FMN1: variants seen among roughly 807,000 people sequenced by gnomAD.
The protein encoded by FMN1 is formin-1.
Under a neutral mutation model 132.4 loss-of-function variants are expected in FMN1, and 110 were observed. The observed-to-expected ratio is 0.83, with a 90% CI of 0.71 to 0.97. The LOEUF is 0.97. FMN1 is among the 50% of genes least tolerant of loss of function. The probability of loss-of-function intolerance (pLI) is 0.00; values close to 1 mark genes in which losing one functional copy is unlikely to be tolerated. For missense variants in FMN1, 1,792 were observed against 1,705.3 expected (o/e 1.05, Z -0.90); for synonymous variants, 722 against 651.7 (o/e 1.11, Z -1.64).
At chr15:33,007,872 T>C (rs2034500060) in intron 7 of FMN1, 142 bp downstream of exon 7, 3 of 605,656 alleles carry the variant, frequency 5.0e-6, no homozygotes, top group African/African-American at 1.8e-5. Context: ...ATTCCCTGTA[T>C]AGACACAGTG....
At chr15:33,033,554 C>G (rs1206933584) in intron 6 of FMN1, among the ~76,000 whole-genome samples, 1 of 152,088 alleles carries the variant, frequency 6.6e-6, no homozygotes, top group African/African-American at 2.4e-5. Flanking sequence ...TCAAATTTTC[C>G]CTCTCTACCA....
chr15:32,834,624 C>T (rs2141178119), intron 17 of FMN1, among the ~76,000 whole-genome samples: 1 of 152,348 alleles, frequency 6.6e-6, no homozygotes, highest in Admixed American at 6.5e-5. Context: ...GGCTGAAACT[C>T]ATCTCCCTTT....
At chr15:32,822,469 C>G (rs765285386) in intron 17 of FMN1, among the ~76,000 whole-genome samples, 4 of 152,116 alleles carry the variant, frequency 2.6e-5, no homozygotes, top group Non-Finnish European at 2.9e-5. Context: ...ATTTAGAATT[C>G]TAGGTTCTGA....
intron 6 of FMN1, among the ~76,000 whole-genome samples, chr15:33,050,425 A>C (rs918390888): frequency 6.6e-6 from 1 of 152,184 alleles, no homozygotes; most frequent in African/African-American, 2.4e-5. Context: ...AGCTTCTTCA[A>C]ATCAGTAAGA....
intron 12 of FMN1, among the ~76,000 whole-genome samples, chr15:32,906,710 A>G (rs1344396719): frequency 1.3e-5 from 2 of 152,202 alleles, no homozygotes; most frequent in Non-Finnish European, 2.9e-5. Flanking sequence ...GCACCGTAAG[A>G]GGGATTCATT....
chr15:32,807,323 G>T (rs2057716842), intron 17 of FMN1, among the ~76,000 whole-genome samples: 1 of 152,184 alleles, frequency 6.6e-6, no homozygotes, highest in South Asian at 2.1e-4. Flanking sequence ...GCCATCTTTT[G>T]CTGTCTGATG....
At chr15:32,872,450 C>A (rs1274374823) in intron 16 of FMN1, among the ~76,000 whole-genome samples, 1 of 152,200 alleles carries the variant, frequency 6.6e-6, no homozygotes, top group Non-Finnish European at 1.5e-5. Context: ...CACATCTTAT[C>A]CACTGCTCTA....
intron 9 of FMN1, among the ~76,000 whole-genome samples, chr15:32,944,457 A>G (rs2061462579): frequency 1.3e-5 from 2 of 152,316 alleles, no homozygotes; most frequent in Non-Finnish European, 2.9e-5. Flanking sequence ...TACAGCTGAT[A>G]ATCTGTCTCA....
intron 6 of FMN1, among the ~76,000 whole-genome samples, chr15:33,033,232 G>C (rs777469993): frequency 6.6e-6 from 1 of 152,010 alleles, no homozygotes; most frequent in Non-Finnish European, 1.5e-5. Flanking sequence ...GGGTTTCACC[G>C]TGTTAGCCAG....
intron 6 of FMN1, among the ~76,000 whole-genome samples, chr15:33,043,030 T>G (rs1053692813): frequency 2.6e-5 from 4 of 152,114 alleles, no homozygotes; most frequent in Non-Finnish European, 5.9e-5. Flanking sequence ...TGACTCAAAA[T>G]GGTTTGACTT....
chr15:32,885,390 A>C (rs2059872040), intron 16 of FMN1, among the ~76,000 whole-genome samples: 1 of 152,202 alleles, frequency 6.6e-6, no homozygotes, highest in Non-Finnish European at 1.5e-5. Flanking sequence ...ATCTCCAATC[A>C]GATGTGGTGA....
At chr15:32,943,587 T>G (rs778492994) in intron 9 of FMN1, among the ~76,000 whole-genome samples, 1 of 151,996 alleles carries the variant, frequency 6.6e-6, no homozygotes, top group Non-Finnish European at 1.5e-5. Flanking sequence ...TCTTGTGGAG[T>G]GGGTTGGAAG....
chr15:32,963,349 C>T (rs1375645773), intron 9 of FMN1, among the ~76,000 whole-genome samples: 8 of 18,794 alleles, frequency 4.3e-4, no homozygotes, highest in Non-Finnish European at 5.7e-4. Flanking sequence ...GTTGTGGGGT[C>T]GGGGGGGTGG....
At chr15:32,877,798 G>A (rs1252579840) in intron 16 of FMN1, among the ~76,000 whole-genome samples, 1 of 152,142 alleles carries the variant, frequency 6.6e-6, no homozygotes, top group Non-Finnish European at 1.5e-5. Flanking sequence ...ATAAGGAAGT[G>A]ATCTAATTTC....
intron 2 of FMN1, among the ~76,000 whole-genome samples, chr15:33,183,434 A>G (rs1168847947): frequency 6.6e-6 from 1 of 152,242 alleles, no homozygotes; most frequent in Non-Finnish European, 1.5e-5. Context: ...GAGCTAACAC[A>G]TGAGAAATTT....
chr15:33,062,383 A>G (rs904021708), intron 6 of FMN1, among the ~76,000 whole-genome samples: 1 of 152,154 alleles, frequency 6.6e-6, no homozygotes, highest in Non-Finnish European at 1.5e-5. Flanking sequence ...GCACTTTGGG[A>G]GGTCGAGGCG....
intron 16 of FMN1, among the ~76,000 whole-genome samples, chr15:32,857,863 G>A (rs1478705382): frequency 1.3e-5 from 2 of 152,126 alleles, no homozygotes; most frequent in African/African-American, 2.4e-5. Context: ...ATCACAAAAG[G>A]CAGTTAACCC....
intron 17 of FMN1, among the ~76,000 whole-genome samples, chr15:32,836,497 C>T: frequency 6.6e-6 from 1 of 152,234 alleles, no homozygotes; most frequent in Non-Finnish European, 1.5e-5. Context: ...ACTCTTTCTC[C>T]CCTTACTTTT....
intron 3 of FMN1, among the ~76,000 whole-genome samples, chr15:33,170,071 G>A (rs1163014482): frequency 2.0e-5 from 3 of 151,972 alleles, no homozygotes; most frequent in Non-Finnish European, 4.4e-5. Context: ...ACCATGTTTT[G>A]TGGACCAATA....
Sources: gnomAD v4.1 joint callset for allele counts (sites outside exome capture counted in the v4.1 genomes callset) on GRCh38, gnomAD v4.1.1 for gene constraint, MANE v1.5 for transcripts, NCBI Gene and HGNC (gene_info 2026-07-23, HGNC 2026-07-21) for gene names.